The following PRPF6 variants were observed in gnomAD, a reference collection of about 807,000 sequenced individuals.
PRPF6 encodes pre-mRNA processing factor 6.
In PRPF6, 42 loss-of-function variants were observed where a neutral mutation model predicts 118.3. That is an observed-to-expected ratio of 0.35 (90% CI 0.28 to 0.46). PRPF6 has a LOEUF of 0.46. PRPF6 is among the 20% of genes least tolerant of loss of function. The pLI, the probability that PRPF6 is intolerant of heterozygous loss-of-function variation, is 1.00. For synonymous variants in PRPF6, 481 were observed against 485.1 expected (o/e 0.99, Z 0.11); for missense variants, 662 against 1,255.7 (o/e 0.53, Z 7.15).
At chr20:63,995,996 G>GT (rs1321626856) in intron 6 of PRPF6, among the ~76,000 whole-genome samples, 3 of 152,046 alleles carry the variant, frequency 2.0e-5, no homozygotes, top group African/African-American at 4.8e-5. Flanking sequence ...TAAAAAGTGT[G>GT]TTTTTTTCCT....
intron 6 of PRPF6, among the ~76,000 whole-genome samples, chr20:63,998,241 T>C (rs2059149960): frequency 6.6e-6 from 1 of 151,672 alleles, no homozygotes; most frequent in Admixed American, 6.6e-5. Context: ...ACTACAGGCA[T>C]GTGCCACCAC....
intron 13 of PRPF6, 26 bp downstream of exon 13, chr20:64,022,904 A>G (rs1476999398): frequency 3.1e-6 from 5 of 1,613,782 alleles, no homozygotes; most frequent in South Asian, 1.1e-5. Context: ...CGCCTGCCCA[A>G]GGGTGCTAAT....
At chr20:64,007,787 C>CT (rs1004333082) in intron 9 of PRPF6, among the ~76,000 whole-genome samples, 7 of 151,580 alleles carry the variant, frequency 4.6e-5, no homozygotes, top group African/African-American at 7.3e-5. Flanking sequence ...ATTTCTTTTT[C>CT]TTTTTTTTGA....
intron 13 of PRPF6, among the ~76,000 whole-genome samples, chr20:64,023,445 G>A (rs187228656): frequency 1.6e-3 from 246 of 152,330 alleles, no homozygotes; most frequent in African/African-American, 5.5e-3. Flanking sequence ...CATTGGGCTC[G>A]TGTCCCCACG....
intron 2 of PRPF6, among the ~76,000 whole-genome samples, chr20:63,984,524 T>G (rs1454166123): frequency 6.6e-6 from 1 of 152,176 alleles, no homozygotes; most frequent in African/African-American, 2.4e-5. Flanking sequence ...TCACCAAGCT[T>G]CTCCCGATGT....
Position 63,988,301 on chromosome 20 carries a change from C to T in PRPF6, c.359+3276C>T, listed in dbSNP as rs1028306714. ...CACCACTGCACTCCAGCCTGAGTGA[C>T]GGGGCAAGACTCTGTCTCAAAAAAA... On this transcript the variant is annotated intron_variant, in intron 3 of 20. Coordinates refer to ENST00000266079, the MANE Select transcript of PRPF6 (RefSeq NM_012469.4). Among the ~76,000 whole-genome samples, 10 of 147,438 alleles carry T rather than the reference C, an allele frequency of 6.8e-5. 1 individual carries two copies. Among genetic ancestry groups the T allele is most frequent in the Admixed American group, 2.1e-4 (3 of 14,566 alleles).
intron 14 of PRPF6, 51 bp downstream of exon 14, chr20:64,024,744 C>G (rs771429628): frequency 1.3e-6 from 2 of 1,594,074 alleles, no homozygotes; most frequent in Non-Finnish European, 1.7e-6. Flanking sequence ...CAGGAGCTGA[C>G]CTGGGTGCTG....
Position 64,010,286 on chromosome 20 carries a change from C to T in PRPF6, c.1273C>T (p.Arg425Ter). Residue 425 changes from arginine (R) to a stop codon, truncating the protein, a stop_gained, in exon 10 of 21, where the codon CGA (arginine) becomes TGA (stop). Coordinates refer to ENST00000266079, the MANE Select transcript of PRPF6 (RefSeq NM_012469.4). LOFTEE classifies it high-confidence loss of function. Reference protein sequence around the residue: ...EPEDARIMLSRAVECCPTSVE... With the variant: ...EPEDARIMLS ...TGAAGATGCTAGAATCATGCTGAGCCGAGCTGTGGAGTGCTGCCCCACCAG... is the reference window on the plus strand; with the variant it reads ...TGAAGATGCTAGAATCATGCTGAGCTGAGCTGTGGAGTGCTGCCCCACCAG... 2 of 1,613,982 alleles carry T rather than the reference C, an allele frequency of 1.2e-6. No homozygotes were observed. The highest frequency in any genetic ancestry group is 1.7e-6 in the Non-Finnish European group (2 of 1,180,034).
intron 11 of PRPF6, among the ~76,000 whole-genome samples, chr20:64,014,896 G>C (rs2059230413): frequency 6.6e-6 from 1 of 152,186 alleles, no homozygotes; most frequent in Non-Finnish European, 1.5e-5. Flanking sequence ...ACTGAGCGTG[G>C]TGGCTTTTGC....
intron 12 of PRPF6, 104 bp downstream of exon 12, chr20:64,016,949 T>A: frequency 8.5e-6 from 13 of 1,523,408 alleles, no homozygotes; most frequent in Non-Finnish European, 1.2e-5. Flanking sequence ...CTTTTTTTTT[T>A]TTTTTAAATC....
At chr20:63,991,226 C>T (rs2059117002) in intron 3 of PRPF6, among the ~76,000 whole-genome samples, 1 of 151,966 alleles carries the variant, frequency 6.6e-6, no homozygotes, top group Non-Finnish European at 1.5e-5. Flanking sequence ...GAGTTCGAGA[C>T]CAGCCTGGGC....
At chr20:63,996,120 C>A (rs967494329) in intron 6 of PRPF6, among the ~76,000 whole-genome samples, 1 of 151,976 alleles carries the variant, frequency 6.6e-6, no homozygotes, top group African/African-American at 2.4e-5. Context: ...ATATCAGATA[C>A]CACGAAGGAA....
At chr20:64,000,648 A>G (rs531499816) in intron 8 of PRPF6, among the ~76,000 whole-genome samples, 84 of 150,318 alleles carry the variant, frequency 5.6e-4, no homozygotes, top group Non-Finnish European at 1.1e-3. Flanking sequence ...AGCTCACTGC[A>G]ACCTCTGCCT....
At chr20:64,002,497 G>A (rs1010013382) in intron 9 of PRPF6, among the ~76,000 whole-genome samples, 5 of 151,262 alleles carry the variant, frequency 3.3e-5, no homozygotes, top group African/African-American at 1.2e-4. Flanking sequence ...CTCCATGCCT[G>A]GCCAATTTTT....
intron 20 of PRPF6, 90 bp from the exon 21 acceptor site, chr20:64,032,751 C>T (rs1193721890): frequency 3.3e-6 from 5 of 1,494,330 alleles, no homozygotes; most frequent in Non-Finnish European, 4.5e-6. Context: ...GCTGCCAGGG[C>T]CAGGTCTGCA....
At chr20:63,989,105 T>C (rs948649030) in intron 3 of PRPF6, among the ~76,000 whole-genome samples, 1 of 152,120 alleles carries the variant, frequency 6.6e-6, no homozygotes, top group African/African-American at 2.4e-5. Flanking sequence ...AGTGAACTCA[T>C]TCTTGACAAA....
Position 64,026,812 on chromosome 20 carries a change from A to C in PRPF6, c.2029-170A>C, listed in dbSNP as rs1489329732. Among the ~76,000 whole-genome samples the C allele has an allele frequency of 6.6e-6, 1 of 152,232 alleles. No individual in the cohort carries two copies. Among genetic ancestry groups the C allele is most frequent in the Non-Finnish European group, 1.5e-5 (1 of 68,042 alleles). On this transcript the variant is annotated intron_variant, in intron 15 of 20. Transcript: ENST00000266079. The surrounding 1 kb of genome is among the most constrained non-coding windows in gnomAD (Gnocchi z 4.4). ...GAGACTCTATCTCAAAAAAAAACAAAACAAAACAAAAACATATATTTATCC... is the reference window on the plus strand; with the variant it reads ...GAGACTCTATCTCAAAAAAAAACAACACAAAACAAAAACATATATTTATCC...
chr20:64,025,912 C>T (rs902342881), intron 14 of PRPF6, 27 bp from the exon 15 acceptor site: 20 of 1,613,362 alleles, frequency 1.2e-5, no homozygotes, highest in South Asian at 1.1e-4. Context: ...TCTGACCCCT[C>T]TTGACGCTGC....
intron 9 of PRPF6, among the ~76,000 whole-genome samples, chr20:64,009,689 T>TC (rs763837886): frequency 3.3e-5 from 5 of 152,176 alleles, no homozygotes; most frequent in Non-Finnish European, 7.3e-5. Flanking sequence ...GCCATTGTAC[T>TC]CCAGCCTGGG....
Sources: gnomAD v4.1 joint callset for allele counts (sites outside exome capture counted in the v4.1 genomes callset) on GRCh38, gnomAD v4.1.1 for gene constraint, Gnocchi (gnomAD v3.1) non-coding constraint, MANE v1.5 for transcripts, NCBI Gene and HGNC (gene_info 2026-07-23, HGNC 2026-07-21) for gene names.